MYO5A: variants seen among roughly 807,000 people sequenced by gnomAD.
MYO5A encodes myosin VA.
A neutral mutation model predicts 249.7 loss-of-function variants in MYO5A; 98 were observed. The observed-to-expected ratio is 0.39, with a 90% confidence interval of 0.33 to 0.46. The LOEUF (loss-of-function observed/expected upper bound fraction) is 0.46, where lower values mean the gene tolerates loss of function less well. Among genes scored for constraint, MYO5A ranks in the 20% least tolerant of loss-of-function variants. MYO5A has a pLI of 0.98. For missense variants in MYO5A, 1,696 were observed against 2,308.8 expected, an observed-to-expected ratio of 0.73 and a Z score of 5.44; for synonymous variants, 778 against 810.6, an observed-to-expected ratio of 0.96 and a Z score of 0.68.
In MYO5A at chr15:52,324,972, A is replaced by G. The variant is rs2038526969; in HGVS notation, c.4711-1528T>C. Reference sequence around the variant, plus strand: ...CTTCCAATGTAGGAGGATTGTGAATAAAATAAATTAAATAAATTATTTACT... The same window carrying G: ...CTTCCAATGTAGGAGGATTGTGAATGAAATAAATTAAATAAATTATTTACT... On this transcript the variant is annotated intron_variant, in intron 36 of 41. Coordinates refer to ENST00000399233, the MANE Select transcript of MYO5A (RefSeq NM_001382347.1). Among the ~76,000 whole-genome samples the G allele has an allele frequency of 2.0e-5, 3 of 152,370 alleles. No individual in the cohort carries two copies. In the South Asian group the frequency reaches 6.2e-4, roughly 32 times the overall value.
chr15:52,508,001 C>T (rs2077310632), intron 1 of MYO5A, among the ~76,000 whole-genome samples: 1 of 152,152 alleles, frequency 6.6e-6, no homozygotes, highest in African/African-American at 2.4e-5. Flanking sequence ...AATCTCTCAA[C>T]TGCCCTATCA....
rs751844617 is a variant in MYO5A, at chr15:52,313,621, C to T, written c.*75G>A. 4.5e-6 allele frequency: 7 copies of T among 1,553,934 alleles called. No individual in the cohort carries two copies. Among genetic ancestry groups the T allele is most frequent in the Non-Finnish European group, 6.2e-6 (7 of 1,127,434 alleles). On this transcript the variant is annotated 3_prime_UTR_variant, in exon 42 of 42. Transcript: ENST00000399233. Reference sequence around the variant, plus strand: ...TACTTTCTCTTTAAAAATGTATTTTCAGTAACTCACTGGAAATAATGGGTT... The same window carrying T: ...TACTTTCTCTTTAAAAATGTATTTTTAGTAACTCACTGGAAATAATGGGTT...
chr15:52,505,273 G>A (rs570212232), intron 1 of MYO5A: 5 of 776,364 alleles, frequency 6.4e-6, no homozygotes, highest in Admixed American at 5.1e-5. Flanking sequence ...CAAGGGGTAT[G>A]TGCCATCACA....
rs563513014 is a variant in MYO5A, at chr15:52,397,417, T to C, written c.1103A>G (p.Tyr368Cys). 2.5e-5 allele frequency: 41 copies of C among 1,614,024 alleles called. No homozygotes were observed. Among genetic ancestry groups the C allele is most frequent in the South Asian group, 2.5e-4 (23 of 91,076 alleles). The change falls in exon 10 of 42, where the codon TAT becomes TGT. Residue 368 changes from tyrosine to cysteine, a missense_variant. This residue lies in a region of MYO5A where 185 missense variants were observed against 204.8 expected (regional missense o/e 0.90). Coordinates refer to ENST00000399233, the MANE Select transcript of MYO5A (RefSeq NM_001382347.1). ...CIFCELMGVD[Y>C]EEMCHWLCHR... ...GCAGAGCCAGTGACACATCTCCTCATAGTCCACACCCATGAGTTCACAGAA... is the reference window on the plus strand; with the variant it reads ...GCAGAGCCAGTGACACATCTCCTCACAGTCCACACCCATGAGTTCACAGAA...
At chr15:52,438,135 T>C in intron 1 of MYO5A, 2 of 788,430 alleles carry the variant, frequency 2.5e-6, no homozygotes, top group Non-Finnish European at 3.1e-6. Context: ...CCTTAGATGC[T>C]GAAACAGGGA....
intron 25 of MYO5A, among the ~76,000 whole-genome samples, chr15:52,354,454 T>A (rs1232722967): frequency 6.6e-6 from 1 of 152,256 alleles, no homozygotes; most frequent in Non-Finnish European, 1.5e-5. Flanking sequence ...TGAAGCATTT[T>A]TTTTGTAATT....
At chr15:52,450,842 G>GGTTTTTT (rs1567138280) in intron 1 of MYO5A, among the ~76,000 whole-genome samples, 4 of 45,468 alleles carry the variant, frequency 8.8e-5, no homozygotes, top group African/African-American at 4.5e-4. Flanking sequence ...GCACTACTGT[G>GGTTTTTT]GTTTTTTTTT....
rs560399067 is a variant in MYO5A, at chr15:52,486,786, A to G, written c.27+41994T>C. On this transcript the variant is annotated intron_variant, in intron 1 of 41. Transcript: ENST00000399233. ...AGGAGTGCGGCCAATTCTAAAGGCCAAGGGTGTACACCTGCCTGACCACAT... is the reference window on the plus strand; with the variant it reads ...AGGAGTGCGGCCAATTCTAAAGGCCGAGGGTGTACACCTGCCTGACCACAT... Among the ~76,000 whole-genome samples, 8 of 152,298 alleles carry G rather than the reference A, an allele frequency of 5.3e-5. No individual in the cohort carries two copies. The East Asian group carries it at 1.5e-3, about 29-fold the overall frequency.
intron 31 of MYO5A, among the ~76,000 whole-genome samples, chr15:52,342,776 C>T (rs959806870): frequency 1.3e-5 from 2 of 151,850 alleles, no homozygotes; most frequent in Non-Finnish European, 2.9e-5. Context: ...ATTAGTCAGG[C>T]ATGTTGGTGC....
chr15:52,465,489 T>A (rs901055283), intron 1 of MYO5A, among the ~76,000 whole-genome samples: 1 of 152,054 alleles, frequency 6.6e-6, no homozygotes, highest in Non-Finnish European at 1.5e-5. Flanking sequence ...CAAAAATATA[T>A]TTGTAAAAAA....
intron 1 of MYO5A, among the ~76,000 whole-genome samples, chr15:52,435,345 C>T (rs921319837): frequency 1.4e-5 from 2 of 142,734 alleles, no homozygotes; most frequent in African/African-American, 5.2e-5. Context: ...GGCACGATCT[C>T]GGCTCACTGC....
At chr15:52,504,217 ACCCACT>A (rs1450972979) in intron 1 of MYO5A, among the ~76,000 whole-genome samples, 1 of 151,914 alleles carries the variant, frequency 6.6e-6, no homozygotes, top group Non-Finnish European at 1.5e-5. Context: ...GATGTCCTCC[ACCCACT>A]CACTCTTACT....
In MYO5A at chr15:52,343,206, C is replaced by A. The variant is rs1486307248; in HGVS notation, c.3960-9G>T. On this transcript the variant is annotated splice_polypyrimidine_tract_variant and intron_variant, in intron 30 of 41. Transcript: ENST00000399233. ...AATCCAGAGCAGATGATCTTCCATG[C>A]AAAAGGAACAACAATGCAAAACACA... 3.7e-6 allele frequency: 6 copies of A among 1,608,724 alleles called. No homozygotes were observed. Among genetic ancestry groups the A allele is most frequent in the South Asian group, 1.1e-5 (1 of 90,980 alleles).
At chr15:52,497,485 G>A (rs183741615) in intron 1 of MYO5A, among the ~76,000 whole-genome samples, 355 of 151,174 alleles carry the variant, frequency 2.3e-3, no homozygotes, top group African/African-American at 8.1e-3. Flanking sequence ...GGCTGGGTGC[G>A]GTGGCTCACA....
In MYO5A at chr15:52,360,097, C is replaced by A; in HGVS notation, c.3310-16G>T. The A allele has an allele frequency of 6.5e-7, 1 of 1,542,110 alleles. No individual in the cohort carries two copies. The highest frequency in any genetic ancestry group is 9.0e-7 in the Non-Finnish European group (1 of 1,116,078). ...TAGGCACATGCTGCAAGGCAAATAA[C>A]CCAGGTATAATTAATGCAACATAAT... On this transcript the variant is annotated splice_polypyrimidine_tract_variant and intron_variant, in intron 24 of 41. Transcript: ENST00000399233.
In MYO5A at chr15:52,364,542, T is replaced by C. The variant is rs2040716011; in HGVS notation, c.3309+12A>G. On this transcript the variant is annotated intron_variant, in intron 24 of 41. Transcript: ENST00000399233. The stretch of plus-strand genomic sequence containing the variant: ...TTTTTCATTAAAAAAAAAACAAAAG[T>C]GTTTGACTCACCACCATAAGGGTCA... 2 of 1,605,968 alleles carry C rather than the reference T, an allele frequency of 1.2e-6. No individual in the cohort carries two copies. Among genetic ancestry groups the C allele is most frequent in the Admixed American group, 1.7e-5 (1 of 59,048 alleles).
intron 1 of MYO5A, among the ~76,000 whole-genome samples, chr15:52,444,202 A>G (rs2075842276): frequency 6.6e-6 from 1 of 152,254 alleles, no homozygotes; most frequent in African/African-American, 2.4e-5. Context: ...ACATTCGTGT[A>G]AAGATTATTT....
intron 30 of MYO5A, among the ~76,000 whole-genome samples, chr15:52,343,618 A>C (rs1475859210): frequency 6.6e-6 from 1 of 152,212 alleles, no homozygotes. Context: ...TTCAAGATGA[A>C]TTTTTAAGTC....
intron 1 of MYO5A, chr15:52,505,896 G>C: frequency 6.5e-7 from 1 of 1,543,458 alleles, no homozygotes; most frequent in Non-Finnish European, 8.6e-7. Flanking sequence ...TTAAATAAAA[G>C]CTTGAAAGAT....
Sources: gnomAD v4.1 joint callset for allele counts (sites outside exome capture counted in the v4.1 genomes callset) on GRCh38, gnomAD v4.1.1 for gene constraint, gnomAD v4.1.1 regional missense constraint, MANE v1.5 for transcripts, NCBI Gene and HGNC (gene_info 2026-07-23, HGNC 2026-07-21) for gene names.